The following HIF1AN variants were observed in gnomAD, a reference collection of about 807,000 sequenced individuals.
HIF1AN encodes the protein hypoxia inducible factor 1 subunit alpha inhibitor, also known as hypoxia-inducible factor 1-alpha inhibitor.
HIF1AN carries 21 observed loss-of-function variants against 47.7 expected under a neutral mutation model. The observed-to-expected ratio is 0.44, with a 90% confidence interval of 0.31 to 0.63. The LOEUF is 0.63. Ranked by LOEUF, HIF1AN falls within the 30% of genes least tolerant of loss-of-function variation. HIF1AN has a pLI of 0.07. For missense variants in HIF1AN, 320 were observed against 432.7 expected, an observed-to-expected ratio of 0.74 and a Z score of 2.31; for synonymous variants, 152 against 155.9, an observed-to-expected ratio of 0.98 and a Z score of 0.18.
intron 3 of HIF1AN, among the ~76,000 whole-genome samples, chr10:100,542,465 C>T (rs1843045582): frequency 6.6e-6 from 1 of 152,082 alleles, no homozygotes. Context: ...GCCATTCTCC[C>T]ACCTCAGCCT....
chr10:100,556,604 C>T lies in HIF1AN; in HGVS notation c.*8467C>T, dbSNP rs1843216466. On this transcript the variant is annotated 3_prime_UTR_variant, in exon 8 of 8. Transcript: ENST00000299163. ...AGTTTTTGAATTGTGAATTTTTGAT[C>T]ATATTTGAACAAAACCCCACCTACA... 6.6e-6 allele frequency: 1 copy of T among 152,172 alleles called. No homozygotes were observed. The highest frequency in any genetic ancestry group is 1.5e-5 in the Non-Finnish European group (1 of 68,046). 9.4% of individuals were successfully genotyped at this position (152,172 alleles called of 1,614,324 possible). A position where few individuals can be genotyped will look rare whatever the true frequency, so the allele number is the denominator to read the frequency against.
chr10:100,546,388 G>T (rs1843093861), intron 5 of HIF1AN, 130 bp from the exon 6 acceptor site: 1 of 717,572 alleles, frequency 1.4e-6, no homozygotes. Context: ...TAAAGATATT[G>T]TCTTCACTAT....
At chr10:100,540,235 C>G (rs1843012634) in intron 2 of HIF1AN, among the ~76,000 whole-genome samples, 1 of 151,472 alleles carries the variant, frequency 6.6e-6, no homozygotes, top group Non-Finnish European at 1.5e-5. Context: ...CATTCTGTGA[C>G]CCAAAAAAGG....
chr10:100,538,610 C>T (rs1340183514), intron 2 of HIF1AN, among the ~76,000 whole-genome samples: 1 of 151,964 alleles, frequency 6.6e-6, no homozygotes, highest in Non-Finnish European at 1.5e-5. Context: ...CACCTGAGGT[C>T]AGGAGTTCGA....
intron 3 of HIF1AN, among the ~76,000 whole-genome samples, chr10:100,543,021 G>A (rs940098767): frequency 6.6e-6 from 1 of 152,026 alleles, no homozygotes; most frequent in Non-Finnish European, 1.5e-5. Context: ...AATAACCTGG[G>A]TTGAACAAGG....
At position 100,536,671 on chromosome 10, in the gene HIF1AN, G is replaced by A. The variant is rs770335120; in HGVS notation, c.428+10G>A. 6.8e-6 allele frequency: 11 copies of A among 1,613,200 alleles called. No individual in the cohort carries two copies. The highest frequency in any genetic ancestry group is 2.7e-5 in the African/African-American group (2 of 74,822). Reference sequence around the variant, plus strand: ...GAGGAGGGGAAGAGAGGTAAATTCCGAAAGCTTAATTTTCTGTTGGATTTA... The same window carrying A: ...GAGGAGGGGAAGAGAGGTAAATTCCAAAAGCTTAATTTTCTGTTGGATTTA... On this transcript the variant is annotated intron_variant, in intron 2 of 7. Coordinates refer to ENST00000299163, the MANE Select transcript of HIF1AN (RefSeq NM_017902.3).
chr10:100,537,038 G>C (rs1852232718), intron 2 of HIF1AN, among the ~76,000 whole-genome samples: 2 of 152,196 alleles, frequency 1.3e-5, no homozygotes, highest in South Asian at 2.1e-4. Flanking sequence ...TTCAAAGTGA[G>C]AAGCCAAGGC....
chr10:100,540,703 CTG>C lies in HIF1AN; in HGVS notation c.499_500del (p.Trp167GlufsTer4). The C allele has an allele frequency of 6.2e-7, 1 of 1,613,910 alleles. No individual in the cohort carries two copies. The highest frequency in any genetic ancestry group is 1.1e-5 in the South Asian group (1 of 91,042). On this transcript the variant is annotated frameshift_variant, in exon 3 of 8. Coordinates refer to ENST00000299163, the MANE Select transcript of HIF1AN (RefSeq NM_017902.3). LOFTEE classifies it high-confidence loss of function. Reference protein sequence around the residue: ...KIVMDFLGFNWNWINKQQGKR... With the variant: ...KIVMDFLGFNXNWINKQQGKR... ...TTGTCATGGACTTCTTAGGTTTTAA[CTG>C]GAACTGGATTAATAAGCAACAGGGA...
intron 1 of HIF1AN, 114 bp downstream of exon 1, chr10:100,536,249 G>A (rs143952021): frequency 7.7e-7 from 1 of 1,294,062 alleles, no homozygotes; most frequent in East Asian, 2.3e-5. Flanking sequence ...GGGCCTATGG[G>A]AAGATGGAGA....
At position 100,553,873 on chromosome 10, in the gene HIF1AN, C is replaced by G. The variant is rs1843190093; in HGVS notation, c.*5736C>G. On this transcript the variant is annotated 3_prime_UTR_variant, in exon 8 of 8. Coordinates refer to ENST00000299163, the MANE Select transcript of HIF1AN (RefSeq NM_017902.3). Reference sequence around the variant, plus strand: ...AAACAATGTTTGTAAAGCTTTAGCACAGTGCCTGGCAAGCACTTAATAAAT... The same window carrying G: ...AAACAATGTTTGTAAAGCTTTAGCAGAGTGCCTGGCAAGCACTTAATAAAT... The G allele has an allele frequency of 6.6e-6, 1 of 152,298 alleles. No individual in the cohort carries two copies. The highest frequency in any genetic ancestry group is 2.1e-4 in the South Asian group (1 of 4,822). The allele number at this position is 152,298 out of a possible 1,614,324, so 9.4% of individuals were successfully genotyped here.
chr10:100,542,846 GTTTTTTTTTT>G (rs397730143), intron 3 of HIF1AN, among the ~76,000 whole-genome samples: 6 of 111,766 alleles, frequency 5.4e-5, no homozygotes, highest in South Asian at 3.1e-4. Flanking sequence ...ATGTGAATGT[GTTTTTTTTTT>G]TTTTTTTTTT....
intron 3 of HIF1AN, among the ~76,000 whole-genome samples, chr10:100,543,443 C>G (rs988076365): frequency 6.6e-6 from 1 of 151,936 alleles, no homozygotes; most frequent in African/African-American, 2.4e-5. Context: ...CACCTTGGCC[C>G]CCTAAGTGAT....
rs540077506 is a variant in HIF1AN, at chr10:100,554,847, C to A, written c.*6710C>A. ...AAATTATGAGTATGTTAAGATTGTT[C>A]TAGGGGAGAAGGGCAATCAAAATTC... is the stretch of plus-strand genomic sequence containing the variant. On this transcript the variant is annotated 3_prime_UTR_variant, in exon 8 of 8. Transcript: ENST00000299163. The A allele has an allele frequency of 2.0e-5, 3 of 151,478 alleles. No individual in the cohort carries two copies. Among genetic ancestry groups the A allele is most frequent in the Admixed American group, 6.6e-5 (1 of 15,202 alleles). The allele number at this position is 151,478 out of a possible 1,614,324, so 9.4% of individuals were successfully genotyped here.
At chr10:100,542,025 A>G (rs982737067) in intron 3 of HIF1AN, among the ~76,000 whole-genome samples, 2 of 152,194 alleles carry the variant, frequency 1.3e-5, no homozygotes, top group African/African-American at 4.8e-5. Flanking sequence ...CTAAATATAG[A>G]AAAGGTATAG....
Position 100,536,440 on chromosome 10 carries a change from T to C in HIF1AN, c.207T>C (p.Leu69=). Residue 69 remains leucine (L), a synonymous_variant, in exon 2 of 8, where the codon CTT becomes CTC. Transcript: ENST00000299163. ...EEPVVLTDTN[L]VYPALKWDLE... Reference sequence around the variant, plus strand: ...CTGTGGTGCTGACCGACACAAATCTTGTGTATCCTGCCCTGAAATGGGACC... The same window carrying C: ...CTGTGGTGCTGACCGACACAAATCTCGTGTATCCTGCCCTGAAATGGGACC... 6.2e-7 allele frequency: 1 copy of C among 1,614,140 alleles called. No individual in the cohort carries two copies.
Position 100,545,923 on chromosome 10 carries a change from CT to C in HIF1AN, c.724-17del. On this transcript the variant is annotated intron_variant, in intron 4 of 7. Transcript: ENST00000299163. ...AGATTTGGTGATTGATATTTTTTTT[CT>C]TTCTCTTGAACCTCTTAGGTGGACT... 1 of 1,521,734 alleles carries C rather than the reference CT, an allele frequency of 6.6e-7. No homozygotes were observed. Among genetic ancestry groups the C allele is most frequent in the Non-Finnish European group, 9.0e-7 (1 of 1,106,522 alleles). The allele number at this position is 1,521,734 out of a possible 1,614,324, so 94.3% of individuals were successfully genotyped here.
rs1383236518 is a variant in HIF1AN, at chr10:100,540,929, TA to T, written c.577+148del. On this transcript the variant is annotated intron_variant, in intron 3 of 7. Coordinates refer to ENST00000299163, the MANE Select transcript of HIF1AN (RefSeq NM_017902.3). ...CTACTCAGCTCTAAAAGAAACATAA[TA>T]GGGGCTGGATGCCGTGGCTCACGCC... 3.8e-6 allele frequency: 3 copies of T among 789,086 alleles called. No homozygotes were observed. In the African/African-American group the frequency reaches 5.3e-5, roughly 14 times the overall value. The allele number at this position is 789,086 out of a possible 1,614,324, so 48.9% of individuals were successfully genotyped here. A position where few individuals can be genotyped will look rare whatever the true frequency, so the allele number is the denominator to read the frequency against.
chr10:100,556,995 C>G lies in HIF1AN; in HGVS notation c.*8858C>G, dbSNP rs548935794. ...AAGATAATGGTGCTTGAAGTGAAAT[C>G]ACAGAAGAGATGACTGGGGCAGGAA... On this transcript the variant is annotated 3_prime_UTR_variant, in exon 8 of 8. Coordinates refer to ENST00000299163, the MANE Select transcript of HIF1AN (RefSeq NM_017902.3). 1 of 152,258 alleles carries G rather than the reference C, an allele frequency of 6.6e-6. No homozygotes were observed. The highest frequency in any genetic ancestry group is 1.9e-4 in the East Asian group (1 of 5,188). The allele number at this position is 152,258 out of a possible 1,614,324, so 9.4% of individuals were successfully genotyped here.
intron 3 of HIF1AN, among the ~76,000 whole-genome samples, chr10:100,543,116 T>G (rs944391227): frequency 7.2e-5 from 11 of 152,202 alleles, no homozygotes; most frequent in Admixed American, 3.9e-4. Context: ...ATTTGGATCC[T>G]TTGCTGCTGG....
Sources: allele counts gnomAD v4.1 joint callset (sites outside exome capture counted in the v4.1 genomes callset), GRCh38; gene constraint gnomAD v4.1.1; transcripts MANE v1.5; gene names NCBI Gene and HGNC (gene_info 2026-07-23, HGNC 2026-07-21).